The following SLC8B1 variants were observed in gnomAD, a reference collection of about 807,000 sequenced individuals.
The protein encoded by SLC8B1 is mitochondrial sodium/calcium exchanger protein.
Under a neutral mutation model 63.4 loss-of-function variants are expected in SLC8B1, and 52 were observed. The ratio of observed to expected loss-of-function variants is 0.82; its 90% CI spans 0.66 to 1.03. SLC8B1 has a LOEUF of 1.03. Among genes scored for constraint, SLC8B1 ranks in the 50% least tolerant of loss-of-function variants. The probability of loss-of-function intolerance (pLI) is 0.00; values close to 1 mark genes in which losing one functional copy is unlikely to be tolerated. For missense variants in SLC8B1, 657 were observed against 741.7 expected (o/e 0.89, Z 1.33); for synonymous variants, 336 against 323.9 (o/e 1.04, Z -0.40).
chr12:113,307,964 A>G lies in SLC8B1; in HGVS notation c.1258-120T>C, dbSNP rs1956699401. 2.8e-5 allele frequency: 34 copies of G among 1,195,248 alleles called. No homozygotes were observed. The South Asian group carries it at 5.3e-4, about 19-fold the overall frequency. The allele number at this position is 1,195,248 out of a possible 1,614,324, so 74.0% of individuals were successfully genotyped here. A position where few individuals can be genotyped will look rare whatever the true frequency, so the allele number is the denominator to read the frequency against. ...TACCTCATGAGCTTATTATGAGTAT[A>G]AAACACGTTACTATATGCATTGGTG... On this transcript the variant is annotated intron_variant, in intron 12 of 15. Transcript: ENST00000680972.
At chr12:113,322,413 T>G (rs778059592) in intron 2 of SLC8B1, among the ~76,000 whole-genome samples, 6 of 152,198 alleles carry the variant, frequency 3.9e-5, no homozygotes, top group Non-Finnish European at 7.3e-5. Flanking sequence ...GATACATCAC[T>G]GAGGTAAACA....
Position 113,307,844 on chromosome 12 carries a change from G to A in SLC8B1, c.1258C>T (p.Leu420Phe), listed in dbSNP as rs187625209. 1.2e-6 allele frequency: 2 copies of A among 1,611,670 alleles called. No individual in the cohort carries two copies. The highest frequency in any genetic ancestry group is 2.2e-5 in the East Asian group (1 of 44,886). ...GTCAGAAAGCCCAGGAAAGCAAAGA[G>A]CTGCGGAGGGAATGGTTTGCTGTGG... ...SDSQPPRLHW[L>F]FAFLGFLTSA... Residue 420 changes from leucine to phenylalanine, a missense_variant and splice_region_variant, in exon 13 of 16, where the codon CTC becomes TTC. Physicochemically the swap from Leu to Phe is conservative, Grantham distance 22. Transcript: ENST00000680972.
At position 113,319,083 on chromosome 12, in the gene SLC8B1, G is replaced by A. The variant is rs759419455; in HGVS notation, c.695-12C>T. 2.7e-5 allele frequency: 44 copies of A among 1,604,402 alleles called. No individual in the cohort carries two copies. The highest frequency in any genetic ancestry group is 3.7e-5 in the Non-Finnish European group (43 of 1,171,402). ...CAAGCCCAGGTAACCTGCAGACGGG[G>A]TGCACGCCGTCACCAAGTGGTGTCC... is the stretch of plus-strand genomic sequence containing the variant. On this transcript the variant is annotated splice_polypyrimidine_tract_variant and intron_variant, in intron 7 of 15. Coordinates refer to ENST00000680972, the MANE Select transcript of SLC8B1 (RefSeq NM_001358345.2).
intron 1 of SLC8B1, among the ~76,000 whole-genome samples, chr12:113,333,382 C>T (rs1170354161): frequency 6.6e-6 from 1 of 152,254 alleles, no homozygotes; most frequent in African/African-American, 2.4e-5. Flanking sequence ...TGGACTTGGC[C>T]TCTGGGCCAC....
Position 113,332,874 on chromosome 12 carries a change from G to GC in SLC8B1, c.4dup (p.Ala2GlyfsTer27). ...CCAGCGCAGATTCAGCCTTCTGCCG[G>GC]CCATCTGCCCCCACGGGGCCTGGCC... On this transcript the variant is annotated frameshift_variant, in exon 2 of 16. Transcript: ENST00000680972. LOFTEE classifies it high-confidence loss of function. 1 of 1,613,804 alleles carries GC rather than the reference G, an allele frequency of 6.2e-7. No homozygotes were observed. Among genetic ancestry groups the GC allele is most frequent in the Non-Finnish European group, 8.5e-7 (1 of 1,179,954 alleles).
intron 11 of SLC8B1, 56 bp from the exon 12 acceptor site, chr12:113,310,411 C>A (rs1292079351): frequency 7.0e-6 from 11 of 1,580,720 alleles, no homozygotes; most frequent in Non-Finnish European, 7.7e-6. Flanking sequence ...CACCCACTTA[C>A]AATGGACTAT....
intron 2 of SLC8B1, among the ~76,000 whole-genome samples, chr12:113,327,048 G>C (rs1189983460): frequency 1.3e-5 from 2 of 152,120 alleles, no homozygotes; most frequent in African/African-American, 4.8e-5. Context: ...ATACTGGGAG[G>C]GGGAGGGTTT....
chr12:113,304,847 C>T (rs1290550775), intron 14 of SLC8B1, among the ~76,000 whole-genome samples: 2 of 152,090 alleles, frequency 1.3e-5, no homozygotes, highest in Admixed American at 6.5e-5. Context: ...AAGTGATTCT[C>T]GTGCCTCAGG....
intron 2 of SLC8B1, among the ~76,000 whole-genome samples, chr12:113,325,643 C>G (rs181383024): frequency 4.0e-5 from 6 of 151,606 alleles, no homozygotes; most frequent in Admixed American, 2.6e-4. Context: ...CGGCTCACGG[C>G]AAGTTCCGCC....
intron 1 of SLC8B1, 32 bp from the exon 2 acceptor site, chr12:113,332,992 A>G: frequency 7.5e-7 from 1 of 1,337,480 alleles, no homozygotes; most frequent in Non-Finnish European, 1.0e-6. Flanking sequence ...GGGGGACAAC[A>G]TTACTGAAAA....
chr12:113,306,611 C>T (rs1383396731), intron 13 of SLC8B1, 36 bp from the exon 14 acceptor site: 29 of 1,569,924 alleles, frequency 1.8e-5, no homozygotes, highest in Non-Finnish European at 2.3e-5. Context: ...AGTGGTGAGT[C>T]GCTTCCCCCA....
chr12:113,314,488 T>C (rs898548262), intron 11 of SLC8B1, among the ~76,000 whole-genome samples: 2 of 152,214 alleles, frequency 1.3e-5, no homozygotes, highest in African/African-American at 4.8e-5. Context: ...TAGCAGAAGT[T>C]AGAAGACGTT....
At chr12:113,306,614 T>C in intron 13 of SLC8B1, 39 bp from the exon 14 acceptor site, 1 of 1,550,560 alleles carries the variant, frequency 6.4e-7, no homozygotes, top group Non-Finnish European at 8.9e-7. Context: ...GGTGAGTCGC[T>C]TCCCCCACCC....
chr12:113,318,008 T>C (rs1012677395), intron 8 of SLC8B1, among the ~76,000 whole-genome samples: 10 of 152,202 alleles, frequency 6.6e-5, no homozygotes, highest in Non-Finnish European at 1.3e-4. Flanking sequence ...TATTTATGTG[T>C]GTTGCATGTG....
At position 113,307,042 on chromosome 12, in the gene SLC8B1, C is replaced by T. The variant is rs532024681; in HGVS notation, c.1412-467G>A. The stretch of plus-strand genomic sequence containing the variant: ...AGGAGAACTGCTTAAACCTGGGAGG[C>T]AGAGGTTGCAGTGAGCCAAGATCAC... On this transcript the variant is annotated intron_variant, in intron 13 of 15. Transcript: ENST00000680972. 9.9e-5 allele frequency among the ~76,000 whole-genome samples: 13 copies of T among 130,958 alleles called. No individual in the cohort carries two copies. In the South Asian group the frequency reaches 1.0e-3, roughly 10 times the overall value. The allele number at this position is 130,958 out of a possible 152,430, so 85.9% of individuals were successfully genotyped here. A position where few individuals can be genotyped will look rare whatever the true frequency, so the allele number is the denominator to read the frequency against.
intron 11 of SLC8B1, among the ~76,000 whole-genome samples, chr12:113,311,647 G>A (rs1361415831): frequency 6.7e-6 from 1 of 149,194 alleles, no homozygotes; most frequent in East Asian, 2.0e-4. Context: ...TGAGTGGGCT[G>A]AATACACAAA....
rs183711602 is a variant in SLC8B1, at chr12:113,311,755, G to A, written c.1136-1400C>T. Among the ~76,000 whole-genome samples the A allele has an allele frequency of 6.5e-3, 932 of 143,408 alleles. 10 individuals carry two copies. The highest frequency in any genetic ancestry group is 8.2e-3 in the Non-Finnish European group (546 of 66,818). 94.1% of individuals were successfully genotyped at this position (143,408 alleles called of 152,430 possible). A position where few individuals can be genotyped will look rare whatever the true frequency, so the allele number is the denominator to read the frequency against. ...GTCTCGATGTATCAACCAGGCTGGA[G>A]TGCACTGACACAATCACAGCTCACT... is the stretch of plus-strand genomic sequence containing the variant. On this transcript the variant is annotated intron_variant, in intron 11 of 15. Coordinates refer to ENST00000680972, the MANE Select transcript of SLC8B1 (RefSeq NM_001358345.2).
intron 15 of SLC8B1, among the ~76,000 whole-genome samples, chr12:113,301,658 T>C (rs565727454): frequency 1.3e-5 from 2 of 152,256 alleles, no homozygotes; most frequent in East Asian, 3.9e-4. Flanking sequence ...TTTGAAGAAA[T>C]GGCAGCTATA....
chr12:113,308,503 G>T (rs1956708954), intron 12 of SLC8B1: 1 of 152,052 alleles, frequency 6.6e-6, no homozygotes, highest in Non-Finnish European at 1.5e-5. Context: ...GTACTCATTA[G>T]CGGTCACTCC....
Sources: allele counts gnomAD v4.1 joint callset (sites outside exome capture counted in the v4.1 genomes callset), GRCh38; gene constraint gnomAD v4.1.1; transcripts MANE v1.5; gene names NCBI Gene and HGNC (gene_info 2026-07-23, HGNC 2026-07-21).